Variants in SLC26A8 observed in about 807,000 individuals in gnomAD.
The protein encoded by SLC26A8 is testis anion transporter 1.
Under a neutral mutation model 105.0 loss-of-function variants are expected in SLC26A8, and 70 were observed. The ratio of observed to expected loss-of-function variants is 0.67; its 90% CI spans 0.55 to 0.81. The LOEUF is 0.81. SLC26A8 is among the 40% of genes least tolerant of loss of function. The pLI is 0.00. For missense variants in SLC26A8, 998 were observed against 1,181.8 expected (o/e 0.84, Z 2.28); for synonymous variants, 415 against 438.3 (o/e 0.95, Z 0.66).
intron 8 of SLC26A8, among the ~76,000 whole-genome samples, chr6:35,980,410 T>C (rs1773223289): frequency 6.6e-6 from 1 of 152,246 alleles, no homozygotes; most frequent in South Asian, 2.1e-4. Context: ...ATGTGCTAAG[T>C]AATTTAAACA....
intron 7 of SLC26A8, among the ~76,000 whole-genome samples, chr6:35,983,834 C>T (rs1055454532): frequency 1.3e-5 from 2 of 152,038 alleles, no homozygotes; most frequent in Non-Finnish European, 2.9e-5. Flanking sequence ...GGATTACAGG[C>T]GTGAGCCACT....
At chr6:35,984,324 T>A (rs1040527989) in intron 7 of SLC26A8, among the ~76,000 whole-genome samples, 3 of 52,754 alleles carry the variant, frequency 5.7e-5, no homozygotes, top group African/African-American at 1.4e-4. Context: ...TTCTTATTTT[T>A]TTTTTTTTTT....
At chr6:35,982,914 T>C (rs1204862398) in intron 7 of SLC26A8, among the ~76,000 whole-genome samples, 5 of 152,224 alleles carry the variant, frequency 3.3e-5, no homozygotes. Context: ...ATGGCAATTC[T>C]CCCTCTAGTC....
At chr6:35,982,749 G>C (rs2127333660) in intron 7 of SLC26A8, among the ~76,000 whole-genome samples, 1 of 152,274 alleles carries the variant, frequency 6.6e-6, no homozygotes, top group South Asian at 2.1e-4. Flanking sequence ...GTACATTGTA[G>C]TAATACAGAT....
In SLC26A8 at chr6:35,955,368, A is replaced by AAG. The variant is rs750508622; in HGVS notation, c.2015_2016insCT (p.Gln673PhefsTer68). 2 of 1,614,078 alleles carry AAG rather than the reference A, an allele frequency of 1.2e-6. No homozygotes were observed. Among genetic ancestry groups the AAG allele is most frequent in the Non-Finnish European group, 1.7e-6 (2 of 1,180,006 alleles). On this transcript the variant is annotated frameshift_variant, in exon 17 of 20. Coordinates refer to ENST00000490799, the MANE Select transcript of SLC26A8 (RefSeq NM_052961.4). LOFTEE classifies it high-confidence loss of function. Reference sequence around the variant, plus strand: ...CCACCTCCTCATACTGTTGCCCTTGATTTTTCTGAGACACGGACGATACTG... The same window carrying AAG: ...CCACCTCCTCATACTGTTGCCCTTGAAGTTTTTCTGAGACACGGACGATACTG...
intron 1 of SLC26A8, among the ~76,000 whole-genome samples, chr6:36,023,845 T>A (rs1384591869): frequency 2.0e-5 from 3 of 152,166 alleles, no homozygotes; most frequent in Non-Finnish European, 4.4e-5. Flanking sequence ...AGCCTGGCCT[T>A]TAGATCCTTT....
intron 3 of SLC26A8, among the ~76,000 whole-genome samples, chr6:36,009,536 T>C (rs969398036): frequency 6.6e-6 from 1 of 152,132 alleles, no homozygotes; most frequent in Non-Finnish European, 1.5e-5. Context: ...AAACAATTCA[T>C]ATATACAACA....
At position 35,955,381 on chromosome 6, in the gene SLC26A8, A is replaced by T. The variant is rs771275420; in HGVS notation, c.2003T>A (p.Val668Glu). The T allele has an allele frequency of 2.5e-6, 4 of 1,614,176 alleles. No homozygotes were observed. In the East Asian group the frequency reaches 6.7e-5, roughly 27 times the overall value. The change falls in exon 17 of 20, where the codon GTG becomes GAG. Residue 668 changes from valine (V) to glutamate (E), a missense_variant. By Grantham distance (121) the Val-to-Glu change is moderately radical. Transcript: ENST00000490799. The stretch of plus-strand genomic sequence containing the variant: ...CTGTTGCCCTTGATTTTTCTGAGAC[A>T]CGGACGATACTGTGTATGGCACTTG... Reference protein sequence around the residue: ...EDQVPYTVSSVSQKNQGQQYE... With the variant: ...EDQVPYTVSSESQKNQGQQYE...
At chr6:35,987,983 C>T (rs1773593497) in intron 7 of SLC26A8, among the ~76,000 whole-genome samples, 1 of 147,660 alleles carries the variant, frequency 6.8e-6, no homozygotes, top group Admixed American at 6.9e-5. Flanking sequence ...ATGATCTTGG[C>T]TCACTGCGAC....
At position 35,962,532 on chromosome 6, in the gene SLC26A8, A is replaced by G. The variant is rs777974809; in HGVS notation, c.1455T>C (p.Tyr485=). 5 of 1,613,690 alleles carry G rather than the reference A, an allele frequency of 3.1e-6. No homozygotes were observed. Among genetic ancestry groups the G allele is most frequent in the African/African-American group, 1.3e-5 (1 of 74,990 alleles). ...NLPSLWRQDQ[Y]DCALWMMTFS... ...CCAGGGCATCTACACTCACACAGTC[A>G]TATTGGTCCTGCCTCCACAGGCTGG... Residue 485 remains tyrosine, a synonymous_variant, in exon 12 of 20, where the codon TAT becomes TAC. Coordinates refer to ENST00000490799, the MANE Select transcript of SLC26A8 (RefSeq NM_052961.4).
chr6:35,993,179 T>G (rs1425947583), intron 5 of SLC26A8, among the ~76,000 whole-genome samples: 4 of 24,066 alleles, frequency 1.7e-4, no homozygotes, highest in South Asian at 2.4e-3. Context: ...TTTTTTTTGA[T>G]AGAGATTGGA....
In SLC26A8 at chr6:36,009,383, C is replaced by CAACAACAACAACAACAAA. The variant is rs375466184; in HGVS notation, c.328+2849_328+2850insTTTGTTGTTGTTGTTGTT. ...ACAACAACAACAACAACAACAACAA[C>CAACAACAACAACAACAAA]AAACCTGCACATGAATGTTCATATC... On this transcript the variant is annotated intron_variant, in intron 3 of 19. Coordinates refer to ENST00000490799, the MANE Select transcript of SLC26A8 (RefSeq NM_052961.4). 2.5e-3 allele frequency among the ~76,000 whole-genome samples: 370 copies of CAACAACAACAACAACAAA among 149,314 alleles called. 29 individuals are homozygous for CAACAACAACAACAACAAA. Among genetic ancestry groups the CAACAACAACAACAACAAA allele is most frequent in the African/African-American group, 8.5e-3 (341 of 40,178 alleles).
Position 35,943,777 on chromosome 6 carries a change from G to A in SLC26A8, c.*123C>T. On this transcript the variant is annotated 3_prime_UTR_variant, in exon 20 of 20. Coordinates refer to ENST00000490799, the MANE Select transcript of SLC26A8 (RefSeq NM_052961.4). The stretch of plus-strand genomic sequence containing the variant: ...CAAGGAAGAAGGCTGGCAGGTAGTA[G>A]GAGTCACAGTCAGGAAGGAAGTACT... The A allele has an allele frequency of 7.2e-7, 1 of 1,383,052 alleles. No individual in the cohort carries two copies. The highest frequency in any genetic ancestry group is 1.4e-5 in the South Asian group (1 of 69,002). The allele number at this position is 1,383,052 out of a possible 1,614,324, so 85.7% of individuals were successfully genotyped here.
At chr6:35,968,619 A>G (rs1178570724) in intron 11 of SLC26A8, among the ~76,000 whole-genome samples, 3,524 of 76,418 alleles carry the variant, frequency 0.046, 67 homozygotes, top group Non-Finnish European at 0.057. Context: ...GTATATATAT[A>G]TATATATATA....
At chr6:35,976,535 T>C (rs1399796839) in intron 9 of SLC26A8, among the ~76,000 whole-genome samples, 2 of 150,340 alleles carry the variant, frequency 1.3e-5, no homozygotes, top group Non-Finnish European at 3.0e-5. Flanking sequence ...AACTGTATGG[T>C]ATTAGAAGCC....
intron 11 of SLC26A8, among the ~76,000 whole-genome samples, chr6:35,967,420 GA>G (rs1200295875): frequency 6.6e-6 from 1 of 152,184 alleles, no homozygotes; most frequent in Non-Finnish European, 1.5e-5. Context: ...AACTTAAAAG[GA>G]AATGATGGTC....
chr6:35,953,987 A>G (rs992516507), intron 17 of SLC26A8, among the ~76,000 whole-genome samples: 3 of 152,226 alleles, frequency 2.0e-5, no homozygotes, highest in African/African-American at 7.2e-5. Context: ...AAATCTCAAA[A>G]GAGGTGTGCA....
At chr6:35,966,177 G>A (rs941448039) in intron 11 of SLC26A8, among the ~76,000 whole-genome samples, 32 of 152,162 alleles carry the variant, frequency 2.1e-4, no homozygotes, top group African/African-American at 6.8e-4. Context: ...GGTACCCAGT[G>A]ACCCGTTAGA....
intron 14 of SLC26A8, chr6:35,960,375 G>C (rs1266266013): frequency 6.1e-6 from 1 of 163,894 alleles, no homozygotes; most frequent in African/African-American, 2.4e-5. Context: ...ACCCGTCTTG[G>C]CTGGGTGTGT....
Sources: gnomAD v4.1 joint callset for allele counts (sites outside exome capture counted in the v4.1 genomes callset) on GRCh38, gnomAD v4.1.1 for gene constraint, MANE v1.5 for transcripts, NCBI Gene and HGNC (gene_info 2026-07-23, HGNC 2026-07-21) for gene names.